The following ASAP1 variants were observed in gnomAD, a reference collection of about 807,000 sequenced individuals.
ASAP1 encodes the protein ArfGAP with SH3 domain, ankyrin repeat and PH domain 1.
A neutral mutation model predicts 145.2 loss-of-function variants in ASAP1; 43 were observed. The ratio of observed to expected loss-of-function variants is 0.30; its 90% confidence interval spans 0.23 to 0.38. The LOEUF (loss-of-function observed/expected upper bound fraction) is 0.38. Ranked by LOEUF, ASAP1 falls within the 10% of genes least tolerant of loss-of-function variation. The probability of loss-of-function intolerance (pLI) is 1.00; values close to 1 mark genes in which losing one functional copy is unlikely to be tolerated. For synonymous variants in ASAP1, 546 were observed against 515.5 expected (o/e 1.06, Z -0.80); for missense variants, 1,018 against 1,355.3 (o/e 0.75, Z 3.91).
intron 24 of ASAP1, among the ~76,000 whole-genome samples, chr8:130,093,666 CAAAAAAAAAA>C (rs71572317): frequency 3.8e-5 from 2 of 52,210 alleles, no homozygotes; most frequent in African/African-American, 7.4e-5. Flanking sequence ...GACTCCGTCT[CAAAAAAAAAA>C]AAAAAAAAAA....
At chr8:130,321,448 T>C (rs1033523850) in intron 3 of ASAP1, among the ~76,000 whole-genome samples, 6 of 151,990 alleles carry the variant, frequency 3.9e-5, no homozygotes, top group African/African-American at 7.2e-5. Context: ...CCTCAGTCAA[T>C]AGGAATGTGA....
chr8:130,130,007 C>T (rs1390468542), intron 15 of ASAP1, among the ~76,000 whole-genome samples: 1 of 152,226 alleles, frequency 6.6e-6, no homozygotes, highest in Non-Finnish European at 1.5e-5. Context: ...ATCAGCGGCA[C>T]TGATGTTACT....
intron 1 of ASAP1, among the ~76,000 whole-genome samples, chr8:130,440,431 C>A (rs1360632313): frequency 6.6e-6 from 1 of 151,380 alleles, no homozygotes; most frequent in African/African-American, 2.4e-5. Context: ...CACCTGAACC[C>A]AGGAGGCAGA....
chr8:130,190,944 T>A (rs1230889171), intron 5 of ASAP1, among the ~76,000 whole-genome samples: 1 of 152,148 alleles, frequency 6.6e-6, no homozygotes, highest in Non-Finnish European at 1.5e-5. Context: ...ATAACCTCGA[T>A]GGGGACAGGG....
intron 1 of ASAP1, among the ~76,000 whole-genome samples, chr8:130,406,672 G>A (rs1266900248): frequency 6.6e-6 from 1 of 151,896 alleles, no homozygotes; most frequent in African/African-American, 2.4e-5. Flanking sequence ...TAGTAGTGAT[G>A]GGGTTTCATC....
At chr8:130,162,016 T>A (rs909408640) in intron 11 of ASAP1, among the ~76,000 whole-genome samples, 1 of 152,120 alleles carries the variant, frequency 6.6e-6, no homozygotes, top group Non-Finnish European at 1.5e-5. Flanking sequence ...CCCAGGCTGG[T>A]CTTGAACTCC....
chr8:130,150,682 C>T (rs2135941825), intron 13 of ASAP1, among the ~76,000 whole-genome samples: 1 of 152,072 alleles, frequency 6.6e-6, no homozygotes, highest in East Asian at 1.9e-4. Flanking sequence ...AGCTTGAGAC[C>T]AGCTGGGCAA....
chr8:130,304,678 T>C (rs1822885721), intron 3 of ASAP1, among the ~76,000 whole-genome samples: 1 of 152,192 alleles, frequency 6.6e-6, no homozygotes, highest in South Asian at 2.1e-4. Flanking sequence ...AGGAAGTACA[T>C]CACCAACTAA....
At chr8:130,300,113 TACACAC>T (rs373589102) in intron 3 of ASAP1, among the ~76,000 whole-genome samples, 5,679 of 72,786 alleles carry the variant, frequency 0.078, 297 homozygotes, top group South Asian at 0.24. Context: ...AAAAGAAAAA[TACACAC>T]ACACACACAC....
At chr8:130,172,037 A>T (rs1586508319) in intron 9 of ASAP1, among the ~76,000 whole-genome samples, 1 of 152,326 alleles carries the variant, frequency 6.6e-6, no homozygotes, top group African/African-American at 2.4e-5. Flanking sequence ...TCAGATGATT[A>T]TGACCAAGAA....
chr8:130,227,627 T>C (rs1817661468), intron 4 of ASAP1, among the ~76,000 whole-genome samples: 3 of 150,756 alleles, frequency 2.0e-5, no homozygotes, highest in African/African-American at 7.3e-5. Flanking sequence ...AATCAATGCT[T>C]ATATGTTTAT....
Position 130,125,936 on chromosome 8 carries a change from A to T in ASAP1, c.1515+20T>A. 6.3e-7 allele frequency: 1 copy of T among 1,589,982 alleles called. No individual in the cohort carries two copies. Among genetic ancestry groups the T allele is most frequent in the South Asian group, 1.2e-5 (1 of 86,184 alleles). On this transcript the variant is annotated intron_variant, in intron 17 of 29. Coordinates refer to ENST00000518721, the MANE Select transcript of ASAP1 (RefSeq NM_018482.4). ...TCATGACAATAATATCATTCTTCCC[A>T]AGTACAGGTCACTACTTACCAAGAG...
intron 3 of ASAP1, among the ~76,000 whole-genome samples, chr8:130,355,387 A>G (rs1826246623): frequency 6.6e-6 from 1 of 152,230 alleles, no homozygotes; most frequent in African/African-American, 2.4e-5. Context: ...AAAGAGCAAA[A>G]AAAGGTCATC....
intron 3 of ASAP1, among the ~76,000 whole-genome samples, chr8:130,350,538 A>C (rs1259269256): frequency 1.3e-5 from 2 of 152,196 alleles, no homozygotes; most frequent in Non-Finnish European, 2.9e-5. Context: ...TGATCAGCAG[A>C]AGATGATTCG....
At chr8:130,417,219 TACAACTGCACACATACAG>T (rs1384424542) in intron 1 of ASAP1, among the ~76,000 whole-genome samples, 72 of 123,338 alleles carry the variant, frequency 5.8e-4, no homozygotes, top group Admixed American at 4.6e-3. Context: ...ACAACCCACG[TACAACTGCACACATACAG>T]ACAGACAGAT....
intron 13 of ASAP1, among the ~76,000 whole-genome samples, chr8:130,151,784 T>C (rs914492095): frequency 3.3e-5 from 5 of 152,222 alleles, no homozygotes; most frequent in Admixed American, 3.3e-4. Flanking sequence ...GACTAGTAAG[T>C]GCCCAAGGGG....
chr8:130,428,486 T>TGTCATCACCA (rs1565308673), intron 1 of ASAP1, among the ~76,000 whole-genome samples: 1 of 7,834 alleles, frequency 1.3e-4, no homozygotes. Context: ...CACCACCATC[T>TGTCATCACCA]TCATCACCAT....
chr8:130,091,845 C>T lies in ASAP1; in HGVS notation c.2572+128G>A, dbSNP rs184032207. On this transcript the variant is annotated intron_variant, in intron 25 of 29. Coordinates refer to ENST00000518721, the MANE Select transcript of ASAP1 (RefSeq NM_018482.4). ...CAGGTAGAATCATGTCATATATACC[C>T]GAGTCAGCACCCAGCATGTGTGTGC... 103 of 1,023,048 alleles carry T rather than the reference C, an allele frequency of 1.0e-4. No individual in the cohort carries two copies. In the African/African-American group the frequency reaches 1.4e-3, roughly 14 times the overall value. The allele number at this position is 1,023,048 out of a possible 1,614,324, so 63.4% of individuals were successfully genotyped here. A position where few individuals can be genotyped will look rare whatever the true frequency, so the allele number is the denominator to read the frequency against.
chr8:130,282,721 T>C (rs1821327521), intron 3 of ASAP1, among the ~76,000 whole-genome samples: 1 of 152,182 alleles, frequency 6.6e-6, no homozygotes, highest in Non-Finnish European at 1.5e-5. Flanking sequence ...AAAGCTGTTA[T>C]CCCTACTCTC....
Sources: gnomAD v4.1 joint callset for allele counts (sites outside exome capture counted in the v4.1 genomes callset) on GRCh38, gnomAD v4.1.1 for gene constraint, MANE v1.5 for transcripts, NCBI Gene and HGNC (gene_info 2026-07-23, HGNC 2026-07-21) for gene names.